Variants in PIK3R3 observed in about 807,000 individuals in gnomAD.
PIK3R3 encodes the protein phosphoinositide-3-kinase regulatory subunit 3.
A neutral mutation model predicts 62.9 loss-of-function variants in PIK3R3; 64 were observed. That is an observed-to-expected ratio of 1.02 (90% CI 0.83 to 1.25). The LOEUF (loss-of-function observed/expected upper bound fraction) is 1.25, where lower values mean the gene tolerates loss of function less well. Ranked by LOEUF, PIK3R3 falls within the 50% of genes most tolerant of loss-of-function variation. The pLI, the probability that PIK3R3 is intolerant of heterozygous loss-of-function variation, is 0.00. For synonymous variants in PIK3R3, 165 were observed against 189.0 expected (o/e 0.87, Z 1.04); for missense variants, 614 against 561.6 (o/e 1.09, Z -0.94).
chr1:46,067,253 C>CATATAT (rs71307629), intron 3 of PIK3R3, among the ~76,000 whole-genome samples, 162 bp from the exon 4 acceptor site: 27,242 of 129,992 alleles, frequency 0.21, 2,992 homozygotes, highest in African/African-American at 0.24. Flanking sequence ...TGTGTGTGAA[C>CATATAT]ATATATATAT....
chr1:46,114,098 G>T (rs942996147), intron 1 of PIK3R3, among the ~76,000 whole-genome samples: 2 of 152,122 alleles, frequency 1.3e-5, no homozygotes, highest in Non-Finnish European at 2.9e-5. Context: ...GTATAGTAAC[G>T]TACACTGACT....
At chr1:46,105,558 A>C (rs150248345) in intron 1 of PIK3R3, among the ~76,000 whole-genome samples, 1 of 152,184 alleles carries the variant, frequency 6.6e-6, no homozygotes, top group African/African-American at 2.4e-5. Context: ...GCTCATGCCT[A>C]TAATCCTAGC....
chr1:46,139,128 T>C, the PIK3R3 span: 1 of 152,210 alleles, frequency 6.6e-6, no homozygotes, highest in East Asian at 1.9e-4. Flanking sequence ...TAAATGTTAA[T>C]GGTAAACAGG....
In PIK3R3 at chr1:46,128,600, C is replaced by A. The variant is rs537718819; in HGVS notation, c.106+3247G>T. Among the ~76,000 whole-genome samples the A allele has an allele frequency of 9.8e-5, 15 of 152,288 alleles. 1 individual carries two copies. In the South Asian group the frequency reaches 3.1e-3, roughly 32 times the overall value. On this transcript the variant is annotated intron_variant, in intron 1 of 9. Coordinates refer to ENST00000262741, the MANE Select transcript of PIK3R3 (RefSeq NM_003629.4). Reference sequence around the variant, plus strand: ...CCTTAAGTAGAAAGGCACCTAAAGACTAGAAGGAAACAATGTTCCTTATTT... The same window carrying A: ...CCTTAAGTAGAAAGGCACCTAAAGAATAGAAGGAAACAATGTTCCTTATTT...
intron 3 of PIK3R3, among the ~76,000 whole-genome samples, chr1:46,072,830 C>T (rs1194521606): frequency 6.6e-6 from 1 of 151,904 alleles, no homozygotes; most frequent in Admixed American, 6.6e-5. Flanking sequence ...GGTGGCACAC[C>T]CCTGTAGTCT....
chr1:46,161,749 A>T, the PIK3R3 span, among the ~76,000 whole-genome samples: 18 of 152,206 alleles, frequency 1.2e-4, no homozygotes, highest in African/African-American at 4.3e-4. Context: ...CAATTTCAGA[A>T]AAAGAAGGAA....
At chr1:46,136,939 T>A (rs1376880884), upstream of PIK3R3, among the ~76,000 whole-genome samples, 1 of 152,132 alleles carries the variant, frequency 6.6e-6, no homozygotes, top group East Asian at 1.9e-4. Context: ...GGAACAATAG[T>A]CCAGGCTGTT....
chr1:46,139,282 C>T, the PIK3R3 span, among the ~76,000 whole-genome samples: 1 of 151,870 alleles, frequency 6.6e-6, no homozygotes, highest in Non-Finnish European at 1.5e-5. Context: ...TATGAGAACA[C>T]TTTTGCTGAC....
In PIK3R3 at chr1:46,043,536, C is replaced by T. The variant is rs116512630; in HGVS notation, c.*137G>A. On this transcript the variant is annotated 3_prime_UTR_variant, in exon 10 of 10. Transcript: ENST00000262741. ...GCCCCCATCCCGGCCGGCTGCTGCT[C>T]GGCCTCTCCACTTCACATTCACAAA... 9.9e-4 allele frequency: 751 copies of T among 755,738 alleles called. 3 individuals are homozygous for T. In the African/African-American group the frequency reaches 0.011, roughly 11 times the overall value. 46.8% of individuals were successfully genotyped at this position (755,738 alleles called of 1,614,324 possible). A position where few individuals can be genotyped will look rare whatever the true frequency, so the allele number is the denominator to read the frequency against.
chr1:46,165,280 C>T, the PIK3R3 span, among the ~76,000 whole-genome samples: 1 of 151,442 alleles, frequency 6.6e-6, no homozygotes, highest in Admixed American at 6.6e-5. Flanking sequence ...CCTCACAACA[C>T]CTAGGTATTT....
intron 1 of PIK3R3, among the ~76,000 whole-genome samples, chr1:46,112,160 A>C (rs1557622679): frequency 6.6e-6 from 1 of 152,202 alleles, no homozygotes; most frequent in African/African-American, 2.4e-5. Flanking sequence ...AATCCTAAAA[A>C]AGAATGTGAA....
rs539069703 is a variant in PIK3R3, at chr1:46,043,947, G to C, written c.1188-76C>G. On this transcript the variant is annotated intron_variant, in intron 9 of 9. Coordinates refer to ENST00000262741, the MANE Select transcript of PIK3R3 (RefSeq NM_003629.4). The stretch of plus-strand genomic sequence containing the variant: ...AAGGACACTAAATGGCCAGAAGTCT[G>C]AGAGCAATTGTTATGCAAACAAGTG... 4 of 1,234,680 alleles carry C rather than the reference G, an allele frequency of 3.2e-6. No homozygotes were observed. The East Asian group carries it at 1.0e-4, about 32-fold the overall frequency. The allele number at this position is 1,234,680 out of a possible 1,614,324, so 76.5% of individuals were successfully genotyped here.
the PIK3R3 span, among the ~76,000 whole-genome samples, chr1:46,162,519 A>G: frequency 1.3e-5 from 2 of 152,196 alleles, no homozygotes; most frequent in African/African-American, 4.8e-5. Context: ...AAAACTGTCT[A>G]TGTGGTATAA....
chr1:46,089,426 G>C (rs760744301), intron 1 of PIK3R3, among the ~76,000 whole-genome samples: 47 of 152,074 alleles, frequency 3.1e-4, no homozygotes, highest in Non-Finnish European at 4.4e-5. Flanking sequence ...TATAAAGAAA[G>C]GAAATGAGGC....
chr1:46,099,771 T>C (rs1652481165), intron 1 of PIK3R3, among the ~76,000 whole-genome samples: 1 of 152,192 alleles, frequency 6.6e-6, no homozygotes, highest in African/African-American at 2.4e-5. Flanking sequence ...GGGTATACAC[T>C]TTACTAGATA....
chr1:46,056,052 C>CT (rs34093237), intron 6 of PIK3R3, 81 bp from the exon 7 acceptor site: 13,813 of 672,016 alleles, frequency 0.021, no homozygotes, highest in East Asian at 0.038. Context: ...TCCTAATATC[C>CT]TTTTTTTTTT....
At chr1:46,158,053 C>T in the PIK3R3 span, among the ~76,000 whole-genome samples, 3 of 152,124 alleles carry the variant, frequency 2.0e-5, no homozygotes, top group African/African-American at 7.2e-5. Context: ...TCTCCATTTC[C>T]ATTCCTAAGG....
At chr1:46,045,505 T>C (rs900085111) in intron 9 of PIK3R3, among the ~76,000 whole-genome samples, 5 of 152,030 alleles carry the variant, frequency 3.3e-5, no homozygotes, top group African/African-American at 1.2e-4. Context: ...AATTTAAAAT[T>C]TTAGATAGAG....
chr1:46,065,093 C>T (rs1034731645), intron 5 of PIK3R3, among the ~76,000 whole-genome samples: 2 of 152,110 alleles, frequency 1.3e-5, no homozygotes, highest in Admixed American at 1.3e-4. Context: ...ACCTGTGTTC[C>T]AAGACAATGT....
Sources: allele counts gnomAD v4.1 joint callset (sites outside exome capture counted in the v4.1 genomes callset), GRCh38; gene constraint gnomAD v4.1.1; transcripts MANE v1.5; gene names NCBI Gene and HGNC (gene_info 2026-07-23, HGNC 2026-07-21).